BBX: variants seen among roughly 807,000 people sequenced by gnomAD.
The protein encoded by BBX is BBX high mobility group box domain containing.
Under a neutral mutation model 100.2 loss-of-function variants are expected in BBX, and 30 were observed. The ratio of observed to expected loss-of-function variants is 0.30; its 90% CI spans 0.22 to 0.41. The LOEUF is 0.41. Among genes scored for constraint, BBX ranks in the 10% least tolerant of loss-of-function variants. The pLI is 1.00. For synonymous variants in BBX, 376 were observed against 388.1 expected, an observed-to-expected ratio of 0.97 and a Z score of 0.37; for missense variants, 1,023 against 1,129.8, an observed-to-expected ratio of 0.91 and a Z score of 1.35.
chr3:107,744,278 G>A (rs958035402), intron 7 of BBX, among the ~76,000 whole-genome samples: 8 of 152,042 alleles, frequency 5.3e-5, no homozygotes, highest in African/African-American at 1.7e-4. Flanking sequence ...ATAAAGATGG[G>A]ATTTTTTAGC....
chr3:107,680,893 T>C (rs1229041549), intron 3 of BBX, among the ~76,000 whole-genome samples: 1 of 152,208 alleles, frequency 6.6e-6, no homozygotes, highest in Non-Finnish European at 1.5e-5. Flanking sequence ...ACTCATCAGC[T>C]TTGCATTGCT....
chr3:107,534,478 T>C (rs1321688137), intron 2 of BBX, among the ~76,000 whole-genome samples: 4 of 152,180 alleles, frequency 2.6e-5, no homozygotes, highest in Non-Finnish European at 4.4e-5. Context: ...CCTCCCTCCT[T>C]CTCTTCTTCT....
chr3:107,529,615 T>C (rs1355066362), intron 2 of BBX, among the ~76,000 whole-genome samples: 2 of 152,206 alleles, frequency 1.3e-5, no homozygotes, highest in Non-Finnish European at 2.9e-5. Flanking sequence ...ACCTCAAGGG[T>C]AGTCATCACA....
At chr3:107,658,338 A>G (rs960776032) in intron 3 of BBX, among the ~76,000 whole-genome samples, 1 of 152,146 alleles carries the variant, frequency 6.6e-6, no homozygotes, top group Admixed American at 6.5e-5. Flanking sequence ...CATTTCCTCA[A>G]ATGCACTGAA....
At chr3:107,798,846 A>C (rs1226501470) in intron 16 of BBX, 126 bp downstream of exon 16, 9 of 1,060,040 alleles carry the variant, frequency 8.5e-6, no homozygotes, top group South Asian at 3.3e-5. Flanking sequence ...AAAAAAAAAA[A>C]AAAACAAAAA....
intron 2 of BBX, among the ~76,000 whole-genome samples, chr3:107,559,202 A>G (rs2050304387): frequency 6.6e-6 from 1 of 152,240 alleles, no homozygotes; most frequent in South Asian, 2.1e-4. Flanking sequence ...GAAATGACGT[A>G]ATCAGAGTAT....
intron 5 of BBX, among the ~76,000 whole-genome samples, chr3:107,725,690 T>C (rs1435668111): frequency 6.6e-6 from 1 of 152,068 alleles, no homozygotes; most frequent in Non-Finnish European, 1.5e-5. Flanking sequence ...ATTTCTAATG[T>C]ATTATTCTTG....
chr3:107,764,619 T>C (rs2066221346), intron 10 of BBX, among the ~76,000 whole-genome samples: 1 of 152,246 alleles, frequency 6.6e-6, no homozygotes, highest in Non-Finnish European at 1.5e-5. Context: ...ATTCCATCTC[T>C]GGAAAGTGTC....
chr3:107,704,818 G>A (rs2061294652), intron 3 of BBX, among the ~76,000 whole-genome samples: 1 of 152,112 alleles, frequency 6.6e-6, no homozygotes, highest in Non-Finnish European at 1.5e-5. Flanking sequence ...ACTATGATAA[G>A]TGCTTGACCT....
At chr3:107,648,330 TAC>T (rs2057646867) in intron 3 of BBX, among the ~76,000 whole-genome samples, 1 of 152,172 alleles carries the variant, frequency 6.6e-6, no homozygotes, top group Admixed American at 6.5e-5. Flanking sequence ...ATAATAGACT[TAC>T]ATTATTCTTT....
intron 3 of BBX, among the ~76,000 whole-genome samples, chr3:107,680,031 G>A (rs1414245809): frequency 1.3e-5 from 2 of 152,148 alleles, no homozygotes; most frequent in Non-Finnish European, 2.9e-5. Context: ...AGGCTGGGAG[G>A]AACAAGTGTT....
At chr3:107,778,601 A>AT in intron 13 of BBX, 82 bp downstream of exon 13, 1 of 1,434,452 alleles carries the variant, frequency 7.0e-7, no homozygotes, top group Admixed American at 2.3e-5. Context: ...CCCTTTAGAC[A>AT]TATCATTGGA....
At chr3:107,642,612 C>A (rs1270210047) in intron 2 of BBX, among the ~76,000 whole-genome samples, 1 of 152,138 alleles carries the variant, frequency 6.6e-6, no homozygotes, top group South Asian at 2.1e-4. Context: ...TGAAAGCAGT[C>A]ATTTAAAAAT....
chr3:107,652,725 TG>T (rs1215638160), intron 3 of BBX, among the ~76,000 whole-genome samples: 1 of 152,186 alleles, frequency 6.6e-6, no homozygotes, highest in Admixed American at 6.5e-5. Context: ...TATAGAGAAG[TG>T]TGTTTTCCTA....
At chr3:107,553,790 T>C (rs1259668585) in intron 2 of BBX, among the ~76,000 whole-genome samples, 1 of 152,234 alleles carries the variant, frequency 6.6e-6, no homozygotes, top group Non-Finnish European at 1.5e-5. Flanking sequence ...TATGGTTACT[T>C]ACCCAGTTCA....
intron 2 of BBX, among the ~76,000 whole-genome samples, chr3:107,619,598 A>G (rs764741237): frequency 9.4e-5 from 14 of 149,590 alleles, no homozygotes; most frequent in Non-Finnish European, 1.9e-4. Flanking sequence ...TTCTCCGTTT[A>G]TTGAATGTTT....
At chr3:107,778,113 C>T (rs2107820884) in intron 12 of BBX, among the ~76,000 whole-genome samples, 1 of 152,176 alleles carries the variant, frequency 6.6e-6, no homozygotes, top group African/African-American at 2.4e-5. Context: ...TTCCCCACTT[C>T]AGAAATATTC....
chr3:107,804,944 A>G (rs1576905227), intron 17 of BBX, among the ~76,000 whole-genome samples: 2 of 152,164 alleles, frequency 1.3e-5, no homozygotes, highest in East Asian at 1.9e-4. Context: ...AAGAAAAGGA[A>G]TGTGTCATTT....
chr3:107,568,115 G>A (rs932252964), intron 2 of BBX, among the ~76,000 whole-genome samples: 1 of 151,586 alleles, frequency 6.6e-6, no homozygotes, highest in African/African-American at 2.4e-5. Flanking sequence ...GAGTTTTTAA[G>A]GTTTTCTGTT....
Sources: gnomAD v4.1 joint callset for allele counts (sites outside exome capture counted in the v4.1 genomes callset) on GRCh38, gnomAD v4.1.1 for gene constraint, MANE v1.5 for transcripts, NCBI Gene and HGNC (gene_info 2026-07-23, HGNC 2026-07-21) for gene names.